Variants in ZHX3 observed in about 807,000 individuals in gnomAD.
The protein encoded by ZHX3 is zinc fingers and homeoboxes protein 3.
In ZHX3, 20 loss-of-function variants were observed where a neutral mutation model predicts 64.5. That is an observed-to-expected ratio of 0.31 (90% CI 0.22 to 0.45). The LOEUF (loss-of-function observed/expected upper bound fraction) is 0.45. Among genes scored for constraint, ZHX3 ranks in the 20% least tolerant of loss-of-function variants. ZHX3 has a pLI of 1.00. For synonymous variants in ZHX3, 423 were observed against 461.6 expected, an observed-to-expected ratio of 0.92 and a Z score of 1.07; for missense variants, 1,041 against 1,195.8, an observed-to-expected ratio of 0.87 and a Z score of 1.91.
chr20:41,238,123 A>G (rs1357210190), intron 2 of ZHX3, among the ~76,000 whole-genome samples: 1 of 152,216 alleles, frequency 6.6e-6, no homozygotes, highest in African/African-American at 2.4e-5. Context: ...GTCAATCATT[A>G]TAAGCATTCC....
chr20:41,286,765 C>A (rs2043957355), intron 1 of ZHX3, among the ~76,000 whole-genome samples: 7 of 152,216 alleles, frequency 4.6e-5, no homozygotes, highest in Admixed American at 4.6e-4. Flanking sequence ...ACCCAAATCT[C>A]CTCTCAAATT....
chr20:41,230,208 T>C (rs2040512579), intron 2 of ZHX3, among the ~76,000 whole-genome samples: 1 of 152,182 alleles, frequency 6.6e-6, no homozygotes, highest in African/African-American at 2.4e-5. Flanking sequence ...TTTTTTTTAC[T>C]GTTTCAATGT....
At chr20:41,194,082 A>AT (rs969582471) in intron 3 of ZHX3, among the ~76,000 whole-genome samples, 9 of 151,480 alleles carry the variant, frequency 5.9e-5, no homozygotes, top group African/African-American at 1.2e-4. Context: ...CCTTTTATTT[A>AT]TTTTTTTTGC....
intron 2 of ZHX3, among the ~76,000 whole-genome samples, chr20:41,233,437 C>T (rs991871627): frequency 6.6e-6 from 1 of 152,184 alleles, no homozygotes; most frequent in South Asian, 2.1e-4. Context: ...AAGTTTGAGA[C>T]CCAATCAAGA....
intron 1 of ZHX3, among the ~76,000 whole-genome samples, chr20:41,270,478 A>C (rs1057036322): frequency 6.6e-6 from 1 of 151,900 alleles, no homozygotes; most frequent in South Asian, 2.1e-4. Flanking sequence ...GAGCGAGACC[A>C]TCCTGGCTAA....
intron 1 of ZHX3, among the ~76,000 whole-genome samples, chr20:41,297,773 G>T (rs776033230): frequency 1.3e-4 from 20 of 152,190 alleles, no homozygotes; most frequent in Non-Finnish European, 2.5e-4. Flanking sequence ...CAACTTTAAT[G>T]ACAACGGCCA....
At chr20:41,301,554 C>T (rs1463342397) in intron 1 of ZHX3, among the ~76,000 whole-genome samples, 2 of 152,152 alleles carry the variant, frequency 1.3e-5, no homozygotes, top group Non-Finnish European at 2.9e-5. Flanking sequence ...TGCCCTTCCT[C>T]CTTTACCAGG....
intron 2 of ZHX3, among the ~76,000 whole-genome samples, chr20:41,266,018 T>C (rs2042827085): frequency 1.3e-5 from 2 of 152,270 alleles, no homozygotes; most frequent in East Asian, 1.9e-4. Flanking sequence ...TTCCAAGTGT[T>C]ACTGAGGTAG....
chr20:41,221,615 A>T (rs959262729), intron 2 of ZHX3, among the ~76,000 whole-genome samples: 1 of 152,234 alleles, frequency 6.6e-6, no homozygotes, highest in African/African-American at 2.4e-5. Flanking sequence ...GTGTCAGAGC[A>T]AAAAGTGGAA....
At chr20:41,246,229 C>G (rs760415005) in intron 2 of ZHX3, among the ~76,000 whole-genome samples, 6 of 152,192 alleles carry the variant, frequency 3.9e-5, no homozygotes, top group Non-Finnish European at 8.8e-5. Context: ...AGATATAATA[C>G]TAAAAGGTAT....
intron 1 of ZHX3, among the ~76,000 whole-genome samples, chr20:41,303,759 C>A (rs1418711470): frequency 6.6e-6 from 1 of 152,148 alleles, no homozygotes; most frequent in African/African-American, 2.4e-5. Flanking sequence ...TTTCTCCTGG[C>A]TCCTCCTTTC....
rs1034742797 is a variant in ZHX3 at position 41,219,138 on chromosome 20, C to T, written c.-150-14072G>A. 6.6e-5 allele frequency among the ~76,000 whole-genome samples: 10 copies of T among 152,026 alleles called. No individual in the cohort carries two copies. In the South Asian group the frequency reaches 1.9e-3, roughly 29 times the overall value. ...TAGAGACGGGTTTTCACCGTGTTAG[C>T]GAGCATGGTCTCGATCTCCTGACCT... On this transcript the variant is annotated intron_variant, in intron 2 of 3. Transcript: ENST00000683867. This position sits in a 1 kb window ranked among gnomAD's most constrained non-coding sequence, Gnocchi z 5.0.
chr20:41,187,686 A>G (rs957567449), intron 3 of ZHX3, among the ~76,000 whole-genome samples: 1 of 152,178 alleles, frequency 6.6e-6, no homozygotes, highest in South Asian at 2.1e-4. Flanking sequence ...TTGTAGTACA[A>G]TTTGAAATCA....
intron 2 of ZHX3, among the ~76,000 whole-genome samples, chr20:41,250,618 G>A (rs1293127099): frequency 1.3e-5 from 2 of 152,162 alleles, no homozygotes; most frequent in Non-Finnish European, 2.9e-5. Flanking sequence ...AAGAAGGGCT[G>A]AAAGAGTATT....
At chr20:41,272,948 T>A (rs1048445805) in intron 1 of ZHX3, among the ~76,000 whole-genome samples, 2 of 152,200 alleles carry the variant, frequency 1.3e-5, no homozygotes, top group African/African-American at 4.8e-5. Flanking sequence ...GAGGAACTAC[T>A]ACACTGTTTC....
At chr20:41,218,651 T>C (rs1426413358) in intron 2 of ZHX3, among the ~76,000 whole-genome samples, 2 of 152,180 alleles carry the variant, frequency 1.3e-5, no homozygotes, top group Non-Finnish European at 2.9e-5. Flanking sequence ...TGTGGAAAAC[T>C]GTCCTTCCTC....
rs1242218301 is a variant in ZHX3, at chr20:41,232,736, C to T, written c.-150-27670G>A. 6.6e-6 allele frequency among the ~76,000 whole-genome samples: 1 copy of T among 152,048 alleles called. No individual in the cohort carries two copies. Among genetic ancestry groups the T allele is most frequent in the Admixed American group, 6.5e-5 (1 of 15,272 alleles). On this transcript the variant is annotated intron_variant, in intron 2 of 3. Transcript: ENST00000683867. The surrounding 1 kb of genome is among the most constrained non-coding windows in gnomAD (Gnocchi z 5.0). ...TCCCGCGGGGGACTACAGGCGCCCA[C>T]CACCTCGCCCGGCTAATTTTTTGTA...
chr20:41,201,930 G>C lies in ZHX3; in HGVS notation c.2860+127C>G. ...TAGTTGTCCTCTGAAGCAGCCAGGCGGTTAATGCTGCTGCCAGGCAGCCTT... is the reference window on the plus strand; with the variant it reads ...TAGTTGTCCTCTGAAGCAGCCAGGCCGTTAATGCTGCTGCCAGGCAGCCTT... On this transcript the variant is annotated intron_variant, in intron 3 of 3. Transcript: ENST00000683867. This position sits in a 1 kb window ranked among gnomAD's most constrained non-coding sequence, Gnocchi z 5.0. 1 of 1,173,932 alleles carries C rather than the reference G, an allele frequency of 8.5e-7. No homozygotes were observed. Among genetic ancestry groups the C allele is most frequent in the Non-Finnish European group, 1.2e-6 (1 of 863,156 alleles). 72.7% of individuals were successfully genotyped at this position (1,173,932 alleles called of 1,614,324 possible).
At chr20:41,192,017 C>G (rs566597764) in intron 3 of ZHX3, among the ~76,000 whole-genome samples, 1 of 152,260 alleles carries the variant, frequency 6.6e-6, no homozygotes, top group Admixed American at 6.5e-5. Context: ...GCAGCAGTTC[C>G]CAGGCATGTG....
Sources: gnomAD v4.1 joint callset for allele counts (sites outside exome capture counted in the v4.1 genomes callset) on GRCh38, gnomAD v4.1.1 for gene constraint, Gnocchi (gnomAD v3.1) non-coding constraint, MANE v1.5 for transcripts, NCBI Gene and HGNC (gene_info 2026-07-23, HGNC 2026-07-21) for gene names.